SCP2: variants seen among roughly 807,000 people sequenced by gnomAD.
SCP2 encodes the protein sterol carrier protein 2.
SCP2 carries 48 observed loss-of-function variants against 71.4 expected under a neutral mutation model. The ratio of observed to expected loss-of-function variants is 0.67; its 90% CI spans 0.53 to 0.86. The LOEUF (loss-of-function observed/expected upper bound fraction) is 0.86, where lower values mean the gene tolerates loss of function less well. Among genes scored for constraint, SCP2 ranks in the 40% least tolerant of loss-of-function variants. SCP2 has a pLI of 0.00. For synonymous variants in SCP2, 220 were observed against 218.1 expected (o/e 1.01, Z -0.08); for missense variants, 560 against 655.6 (o/e 0.85, Z 1.59).
chr1:52,978,507 A>G (rs1176768530), intron 9 of SCP2, 140 bp downstream of exon 9: 6 of 711,658 alleles, frequency 8.4e-6, no homozygotes, highest in African/African-American at 3.6e-5. Flanking sequence ...GACTATGCCT[A>G]GAACTCCAAT....
chr1:52,961,972 G>A (rs528898260), intron 6 of SCP2, among the ~76,000 whole-genome samples: 56 of 152,208 alleles, frequency 3.7e-4, no homozygotes, highest in African/African-American at 1.3e-3. Context: ...TGCGATCTCG[G>A]CTCACTGCAA....
chr1:52,974,915 G>T (rs1657816198), intron 7 of SCP2, 83 bp downstream of exon 7: 2 of 770,714 alleles, frequency 2.6e-6, no homozygotes, highest in East Asian at 4.9e-5. Context: ...AAAAGCAAAT[G>T]CCAAGATCTC....
At chr1:52,974,201 AT>A (rs991410921) in intron 6 of SCP2, among the ~76,000 whole-genome samples, 6 of 151,784 alleles carry the variant, frequency 4.0e-5, no homozygotes, top group East Asian at 1.9e-4. Flanking sequence ...GTAAAAAAAA[AT>A]TTTTTTTGCG....
intron 1 of SCP2, among the ~76,000 whole-genome samples, chr1:52,933,561 G>T (rs577063398): frequency 1.3e-5 from 2 of 152,166 alleles, no homozygotes; most frequent in Non-Finnish European, 2.9e-5. Context: ...AATTGACAAA[G>T]GGAAACAATC....
chr1:53,003,998 G>A (rs533464949), intron 11 of SCP2, among the ~76,000 whole-genome samples: 1 of 152,102 alleles, frequency 6.6e-6, no homozygotes, highest in African/African-American at 2.4e-5. Flanking sequence ...GCGCTTTGGG[G>A]CCATCATTAA....
chr1:53,008,156 A>G (rs1204077828), intron 11 of SCP2, among the ~76,000 whole-genome samples: 1 of 152,154 alleles, frequency 6.6e-6, no homozygotes, highest in Non-Finnish European at 1.5e-5. Flanking sequence ...CAACCAAAAA[A>G]AGTCCAGGAC....
chr1:52,956,762 A>G lies in SCP2; in HGVS notation c.396+1958A>G, dbSNP rs149720496. The stretch of plus-strand genomic sequence containing the variant: ...ATAATGTTTATGATACATGAAAAAT[A>G]TGTATTTTTTTCAGCAGTGAATGGT... On this transcript the variant is annotated intron_variant, in intron 5 of 15. Transcript: ENST00000371514. Among the ~76,000 whole-genome samples, 449 of 152,268 alleles carry G rather than the reference A, an allele frequency of 2.9e-3. 1 individual carries two copies. Among genetic ancestry groups the G allele is most frequent in the Non-Finnish European group, 4.9e-3 (334 of 68,018 alleles).
chr1:53,022,035 G>A (rs879458563), intron 12 of SCP2, among the ~76,000 whole-genome samples: 1 of 152,270 alleles, frequency 6.6e-6, no homozygotes, highest in Non-Finnish European at 1.5e-5. Context: ...TGTACGTTCA[G>A]TGGTTTTTAG....
intron 12 of SCP2, among the ~76,000 whole-genome samples, chr1:53,020,754 T>G (rs1051539433): frequency 6.6e-6 from 1 of 152,200 alleles, no homozygotes; most frequent in Non-Finnish European, 1.5e-5. Flanking sequence ...CATACCTCTA[T>G]GAGGTTTCTT....
At chr1:52,980,889 A>G (rs1462616541) in intron 10 of SCP2, among the ~76,000 whole-genome samples, 1 of 152,200 alleles carries the variant, frequency 6.6e-6, no homozygotes, top group African/African-American at 2.4e-5. Context: ...TAATTTATTT[A>G]AAGTGTATCT....
Position 53,003,201 on chromosome 1 carries a change from ATTTCTG to A in SCP2, c.1082-11683_1082-11678del, listed in dbSNP as rs1660429336. On this transcript the variant is annotated intron_variant, in intron 11 of 15. Coordinates refer to ENST00000371514, the MANE Select transcript of SCP2 (RefSeq NM_002979.5). ...AGAGATAACTAGGAGAAAGCCCTGA[ATTTCTG>A]TTTCTATTTCTTTTCTTTTTTTATT... Among the ~76,000 whole-genome samples, 11 of 152,126 alleles carry A rather than the reference ATTTCTG, an allele frequency of 7.2e-5. No individual in the cohort carries two copies. In the South Asian group the frequency reaches 2.3e-3, roughly 32 times the overall value.
intron 11 of SCP2, among the ~76,000 whole-genome samples, chr1:52,999,193 G>C (rs920997776): frequency 6.6e-6 from 1 of 152,178 alleles, no homozygotes. Context: ...TGAGGATTTG[G>C]ATATACTTCG....
At chr1:52,968,350 A>G (rs1000555152) in intron 6 of SCP2, among the ~76,000 whole-genome samples, 5 of 152,126 alleles carry the variant, frequency 3.3e-5, no homozygotes, top group African/African-American at 1.2e-4. Context: ...CAGGATTTTG[A>G]TTAATTATGT....
At chr1:53,037,352 C>T (rs1442964828) in intron 13 of SCP2, among the ~76,000 whole-genome samples, 1 of 152,162 alleles carries the variant, frequency 6.6e-6, no homozygotes, top group East Asian at 1.9e-4. Context: ...AGCTGCTCCT[C>T]TGTGCTCCTG....
chr1:52,993,663 A>G, intron 11 of SCP2: 1 of 1,612,290 alleles, frequency 6.2e-7, no homozygotes, highest in South Asian at 1.1e-5. Flanking sequence ...TTTGTGTAAG[A>G]ATCTTCATTG....
chr1:53,038,235 C>T (rs1663161793), intron 13 of SCP2, among the ~76,000 whole-genome samples: 1 of 130,044 alleles, frequency 7.7e-6, no homozygotes, highest in Admixed American at 9.1e-5. Flanking sequence ...ATATATATGT[C>T]ATTTATATAT....
intron 2 of SCP2, among the ~76,000 whole-genome samples, chr1:52,943,109 C>CAT (rs1325241645): frequency 1.3e-5 from 2 of 152,088 alleles, no homozygotes; most frequent in Non-Finnish European, 1.5e-5. Flanking sequence ...CACTTGCAAT[C>CAT]ATATGCTTAG....
At chr1:52,946,323 G>T (rs1212642036) in intron 2 of SCP2, among the ~76,000 whole-genome samples, 1 of 152,026 alleles carries the variant, frequency 6.6e-6, no homozygotes, top group African/African-American at 2.4e-5. Flanking sequence ...TGACCTCCAG[G>T]ATTCAAGTGA....
intron 11 of SCP2, among the ~76,000 whole-genome samples, chr1:53,005,622 G>A (rs1470810323): frequency 2.6e-5 from 4 of 152,126 alleles, no homozygotes; most frequent in African/African-American, 4.8e-5. Context: ...CCATCTGTAC[G>A]TCACCATCAT....
Sources: allele counts gnomAD v4.1 joint callset (sites outside exome capture counted in the v4.1 genomes callset), GRCh38; gene constraint gnomAD v4.1.1; transcripts MANE v1.5; gene names NCBI Gene and HGNC (gene_info 2026-07-23, HGNC 2026-07-21).